Variants in ENTREP2 observed in about 807,000 individuals in gnomAD.
ENTREP2 encodes protein ENTREP2.
chr15:29,381,549 G>A, the ENTREP2 span, among the ~76,000 whole-genome samples: 2 of 151,146 alleles, frequency 1.3e-5, no homozygotes, highest in Admixed American at 6.6e-5. Flanking sequence ...GGATGCCCTC[G>A]GAGCATCTCA....
the ENTREP2 span, among the ~76,000 whole-genome samples, chr15:29,402,316 GTGTA>G: frequency 4.4e-4 from 62 of 140,356 alleles, 2 homozygotes; most frequent in South Asian, 2.0e-3. Flanking sequence ...GTGTGTGTGT[GTGTA>G]TATATGTATA....
the ENTREP2 span, among the ~76,000 whole-genome samples, chr15:29,654,828 C>A: frequency 1.4e-4 from 22 of 152,214 alleles, no homozygotes; most frequent in African/African-American, 5.3e-4. Flanking sequence ...CTGACTAATA[C>A]CTCCTGTTGC....
chr15:29,558,796 T>C, the ENTREP2 span, among the ~76,000 whole-genome samples: 1 of 106,716 alleles, frequency 9.4e-6, no homozygotes, highest in Non-Finnish European at 2.0e-5. Context: ...ACGACAAAGA[T>C]GAAGATCTTT....
At chr15:29,126,899 G>A in the ENTREP2 span, among the ~76,000 whole-genome samples, 737 of 152,302 alleles carry the variant, frequency 4.8e-3, 6 homozygotes, top group African/African-American at 0.017. Flanking sequence ...CCCGGGCCTG[G>A]AGTGCAGCCA....
the ENTREP2 span, among the ~76,000 whole-genome samples, chr15:29,526,984 G>A: frequency 2.0e-4 from 30 of 152,114 alleles, no homozygotes; most frequent in Middle Eastern, 3.2e-3. Flanking sequence ...CATTTGCTCA[G>A]CTTCTCAGTT....
At chr15:29,119,102 T>C in the ENTREP2 span, among the ~76,000 whole-genome samples, 1 of 152,156 alleles carries the variant, frequency 6.6e-6, no homozygotes, top group African/African-American at 2.4e-5. Flanking sequence ...ACCTTGGCCA[T>C]CAGGGGCATA....
chr15:29,672,916 T>C, the ENTREP2 span, among the ~76,000 whole-genome samples: 9 of 152,112 alleles, frequency 5.9e-5, no homozygotes, highest in Non-Finnish European at 2.9e-5. Context: ...GGTGACTCCA[T>C]AGGCAGGGCA....
chr15:29,134,620 TCA>T, the ENTREP2 span, among the ~76,000 whole-genome samples: 2 of 152,168 alleles, frequency 1.3e-5, 1 homozygote, highest in Non-Finnish European at 2.9e-5. Context: ...CACAGAGAAG[TCA>T]CATCTCTTCC....
the ENTREP2 span, among the ~76,000 whole-genome samples, chr15:29,496,594 T>C: frequency 2.6e-5 from 4 of 152,238 alleles, no homozygotes; most frequent in African/African-American, 9.6e-5. Flanking sequence ...ATTATTTCTA[T>C]ACCTAAATTT....
chr15:29,350,111 A>T, the ENTREP2 span, among the ~76,000 whole-genome samples: 1 of 152,110 alleles, frequency 6.6e-6, no homozygotes, highest in East Asian at 1.9e-4. Flanking sequence ...TTTCTTTAAA[A>T]TTTGCTAAAA....
chr15:29,540,295 T>A, the ENTREP2 span, among the ~76,000 whole-genome samples: 1 of 152,242 alleles, frequency 6.6e-6, no homozygotes, highest in Non-Finnish European at 1.5e-5. Context: ...ATACACACTG[T>A]TGTTAACTAT....
the ENTREP2 span, among the ~76,000 whole-genome samples, chr15:29,368,894 C>A: frequency 5.9e-5 from 9 of 151,398 alleles, no homozygotes; most frequent in South Asian, 1.7e-3. Flanking sequence ...AAAAAAATAA[C>A]CAAATAGAAA....
the ENTREP2 span, among the ~76,000 whole-genome samples, chr15:29,524,890 G>A: frequency 6.6e-6 from 1 of 152,252 alleles, no homozygotes; most frequent in Non-Finnish European, 1.5e-5. Flanking sequence ...CCCAAAGGGG[G>A]TTGCCCACTC....
chr15:29,633,997 T>C, the ENTREP2 span, among the ~76,000 whole-genome samples: 1 of 151,976 alleles, frequency 6.6e-6, no homozygotes, highest in Non-Finnish European at 1.5e-5. Flanking sequence ...CATGAGGGGC[T>C]CACTGCTCGG....
chr15:29,534,074 C>T, the ENTREP2 span, among the ~76,000 whole-genome samples: 1 of 138,132 alleles, frequency 7.2e-6, no homozygotes, highest in Non-Finnish European at 1.5e-5. Flanking sequence ...TAACACCACA[C>T]CAGTGGGTCA....
chr15:29,438,811 C>T, the ENTREP2 span, among the ~76,000 whole-genome samples: 8 of 152,120 alleles, frequency 5.3e-5, no homozygotes, highest in Non-Finnish European at 1.0e-4. Context: ...GATAGAATTG[C>T]AGGACTGAAA....
the ENTREP2 span, among the ~76,000 whole-genome samples, chr15:29,360,153 C>G: frequency 6.6e-6 from 1 of 152,194 alleles, no homozygotes; most frequent in Non-Finnish European, 1.5e-5. Flanking sequence ...TTTAAATTAA[C>G]TGTGCCACAG....
At chr15:29,126,328 T>G in the ENTREP2 span, 4 of 1,522,862 alleles carry the variant, frequency 2.6e-6, no homozygotes, top group Non-Finnish European at 3.5e-6. Flanking sequence ...GCCCGGGACC[T>G]GGCTGCACCT....
the ENTREP2 span, chr15:29,121,573 C>A: frequency 1.3e-5 from 2 of 152,190 alleles, no homozygotes; most frequent in South Asian, 4.1e-4. Flanking sequence ...GAAAATCCAC[C>A]AATTAATTTC....
Sources: allele counts gnomAD v4.1 joint callset (sites outside exome capture counted in the v4.1 genomes callset), GRCh38; gene constraint gnomAD v4.1.1; transcripts MANE v1.5; gene names NCBI Gene and HGNC (gene_info 2026-07-23, HGNC 2026-07-21).